The following PRIM2 variants were observed in gnomAD, a reference collection of about 807,000 sequenced individuals.
PRIM2 encodes DNA primase subunit 2, also known as DNA primase large subunit.
In PRIM2, 39 loss-of-function variants were observed where a neutral mutation model predicts 67.3. The ratio of observed to expected loss-of-function variants is 0.58; its 90% CI spans 0.45 to 0.76. The LOEUF is 0.76. Among genes scored for constraint, PRIM2 ranks in the 30% least tolerant of loss-of-function variants. The pLI is 0.00. For missense variants in PRIM2, 398 were observed against 598.7 expected (o/e 0.66, Z 3.50); for synonymous variants, 143 against 198.7 (o/e 0.72, Z 2.36).
chr6:57,359,196 A>G (rs1254101593), intron 5 of PRIM2, among the ~76,000 whole-genome samples: 19 of 152,024 alleles, frequency 1.2e-4, no homozygotes, highest in Admixed American at 1.1e-3. Flanking sequence ...ACAGGCTTTA[A>G]GAAACTGGGG....
At chr6:57,251,543 C>T in the PRIM2 span, among the ~76,000 whole-genome samples, 1 of 152,130 alleles carries the variant, frequency 6.6e-6, no homozygotes, top group African/African-American at 2.4e-5. Context: ...GACTACCTAG[C>T]TTGGATCAGA....
intron 10 of PRIM2, among the ~76,000 whole-genome samples, chr6:57,542,936 AG>A (rs1775193199): frequency 1.5e-5 from 1 of 65,558 alleles, no homozygotes; most frequent in Non-Finnish European, 3.0e-5. Context: ...TACTGCTTAT[AG>A]GATTTTTTTT....
At chr6:57,310,243 G>A (rs1489466817), upstream of PRIM2, among the ~76,000 whole-genome samples, 1 of 152,180 alleles carries the variant, frequency 6.6e-6, no homozygotes. Flanking sequence ...ACCACAATGT[G>A]GTGATGACTC....
At chr6:57,323,083 T>G (rs1302017852) in intron 3 of PRIM2, among the ~76,000 whole-genome samples, 4 of 90,270 alleles carry the variant, frequency 4.4e-5, no homozygotes, top group South Asian at 3.0e-4. Flanking sequence ...CCTCATAGGG[T>G]TTTTTTTTTT....
intron 7 of PRIM2, among the ~76,000 whole-genome samples, chr6:57,444,069 G>C (rs1414197257): frequency 6.6e-6 from 1 of 152,096 alleles, no homozygotes; most frequent in Non-Finnish European, 1.5e-5. Context: ...TAAATCAGTT[G>C]GCTGCACTTG....
intron 7 of PRIM2, among the ~76,000 whole-genome samples, chr6:57,389,523 A>G (rs1770262446): frequency 6.6e-6 from 1 of 152,212 alleles, no homozygotes; most frequent in African/African-American, 2.4e-5. Flanking sequence ...TTAGATACAG[A>G]AAAAAGGACT....
Position 57,601,211 on chromosome 6 carries a change from A to T in PRIM2, c.1139A>T (p.Asp380Val), listed in dbSNP as rs1398307893. ...CTGTCCAATCCACCAAGCCAAGGGG[A>T]TTATCATGGTAAGTGCCTCCACTGG... ...IILSNPPSQGDYHGCPFRHSD... is the reference protein window; with the variant it reads ...IILSNPPSQGVYHGCPFRHSD... The change falls in exon 11 of 14, where the codon GAT (aspartate) becomes GTT (valine). Residue 380 changes from aspartate (D) to valine (V), a missense_variant. By Grantham distance (152) the Asp-to-Val change is radical. Coordinates refer to ENST00000615550, the MANE Select transcript of PRIM2 (RefSeq NM_000947.5). The T allele has an allele frequency of 1.9e-6, 3 of 1,606,452 alleles. No homozygotes were observed. The African/African-American group carries it at 4.0e-5, about 22-fold the overall frequency.
the PRIM2 span, among the ~76,000 whole-genome samples, chr6:57,309,226 G>T: frequency 6.7e-6 from 1 of 150,326 alleles, no homozygotes; most frequent in Non-Finnish European, 1.5e-5. Context: ...TGCCATGCTG[G>T]TGCACTGCAC....
At chr6:57,295,283 C>T in the PRIM2 span, among the ~76,000 whole-genome samples, 1 of 152,028 alleles carries the variant, frequency 6.6e-6, no homozygotes, top group Admixed American at 6.6e-5. Context: ...ATGACTTCTA[C>T]ATATTAAATA....
At chr6:57,427,664 G>T (rs1354594322) in intron 7 of PRIM2, among the ~76,000 whole-genome samples, 76 of 152,210 alleles carry the variant, frequency 5.0e-4, no homozygotes, top group Non-Finnish European at 1.0e-3. Context: ...TTTTATCAAT[G>T]TCATTTGTAT....
intron 7 of PRIM2, among the ~76,000 whole-genome samples, chr6:57,439,183 T>C (rs973147147): frequency 6.6e-6 from 1 of 152,170 alleles, no homozygotes; most frequent in African/African-American, 2.4e-5. Flanking sequence ...GGGTTTGTGG[T>C]TGAAGACTTT....
At chr6:57,394,264 T>G (rs1770448878) in intron 7 of PRIM2, among the ~76,000 whole-genome samples, 1 of 152,218 alleles carries the variant, frequency 6.6e-6, no homozygotes, top group Non-Finnish European at 1.5e-5. Context: ...TATGGTCATT[T>G]TCACAATATT....
Position 57,326,143 on chromosome 6 carries a change from A to G in PRIM2, c.459+98A>G, listed in dbSNP as rs969928422. On this transcript the variant is annotated intron_variant, in intron 5 of 13. Coordinates refer to ENST00000615550, the MANE Select transcript of PRIM2 (RefSeq NM_000947.5). Reference sequence around the variant, plus strand: ...CTAATGTGTAGTGTGTTCTCTTTACATTCTCCAAGTACCTGCCTGAAACAG... The same window carrying G: ...CTAATGTGTAGTGTGTTCTCTTTACGTTCTCCAAGTACCTGCCTGAAACAG... 2.1e-5 allele frequency: 29 copies of G among 1,351,078 alleles called. No homozygotes were observed. In the South Asian group the frequency reaches 3.0e-4, roughly 14 times the overall value. 83.7% of individuals were successfully genotyped at this position (1,351,078 alleles called of 1,614,324 possible).
intron 7 of PRIM2, among the ~76,000 whole-genome samples, chr6:57,489,943 T>TG: frequency 6.6e-6 from 1 of 150,412 alleles, no homozygotes; most frequent in Non-Finnish European, 1.5e-5. Context: ...TTTTTTTTTT[T>TG]GTCTTTGAAG....
intron 10 of PRIM2, among the ~76,000 whole-genome samples, chr6:57,580,845 T>C (rs1776070416): frequency 6.6e-6 from 1 of 152,200 alleles, no homozygotes; most frequent in South Asian, 2.1e-4. Flanking sequence ...AGACATCTTT[T>C]TGATGATCAA....
At chr6:57,588,183 T>C (rs1433700192) in intron 10 of PRIM2, among the ~76,000 whole-genome samples, 1 of 152,054 alleles carries the variant, frequency 6.6e-6, no homozygotes, top group African/African-American at 2.4e-5. Context: ...AGCAGGAATT[T>C]TTGTACCTCC....
chr6:57,529,694 A>AT (rs1472724941), intron 8 of PRIM2, among the ~76,000 whole-genome samples: 38 of 152,322 alleles, frequency 2.5e-4, no homozygotes, highest in African/African-American at 8.9e-4. Context: ...AAGAAGAATA[A>AT]TTTTTTCTTC....
At chr6:57,454,404 A>G (rs1488295334) in intron 7 of PRIM2, among the ~76,000 whole-genome samples, 1 of 152,164 alleles carries the variant, frequency 6.6e-6, no homozygotes, top group African/African-American at 2.4e-5. Flanking sequence ...TCGGCTGTGA[A>G]TCCATCTGGT....
the PRIM2 span, among the ~76,000 whole-genome samples, chr6:57,241,688 A>ATTTTTT: frequency 7.0e-3 from 838 of 119,050 alleles, 50 homozygotes; most frequent in African/African-American, 0.022. Flanking sequence ...AGAACTATGT[A>ATTTTTT]TTTTTTTTTT....
Sources: gnomAD v4.1 joint callset for allele counts (sites outside exome capture counted in the v4.1 genomes callset) on GRCh38, gnomAD v4.1.1 for gene constraint, MANE v1.5 for transcripts, NCBI Gene and HGNC (gene_info 2026-07-23, HGNC 2026-07-21) for gene names.